The following DRD2 variants were observed in gnomAD, a reference collection of about 807,000 sequenced individuals.
DRD2 encodes the protein D(2) dopamine receptor.
DRD2 carries 8 observed loss-of-function variants against 38.0 expected under a neutral mutation model. That is an observed-to-expected ratio of 0.21 (90% confidence interval 0.12 to 0.38). DRD2 has a LOEUF of 0.38. Ranked by LOEUF, DRD2 falls within the 10% of genes least tolerant of loss-of-function variation. The pLI, the probability that DRD2 is intolerant of heterozygous loss-of-function variation, is 1.00. For synonymous variants in DRD2, 230 were observed against 238.6 expected, an observed-to-expected ratio of 0.96 and a Z score of 0.33; for missense variants, 403 against 607.7, an observed-to-expected ratio of 0.66 and a Z score of 3.54.
At chr11:113,429,236 T>C (rs1449573834) in intron 1 of DRD2, among the ~76,000 whole-genome samples, 1 of 151,980 alleles carries the variant, frequency 6.6e-6, no homozygotes, top group Non-Finnish European at 1.5e-5. Context: ...TTTGTCTGTT[T>C]GCTTGTTTGG....
intron 1 of DRD2, among the ~76,000 whole-genome samples, chr11:113,427,455 TG>T (rs1950950548): frequency 1.3e-5 from 2 of 152,108 alleles, no homozygotes; most frequent in African/African-American, 2.4e-5. Flanking sequence ...TTTTTTTCAC[TG>T]GGGTGTAGAC....
intron 2 of DRD2, among the ~76,000 whole-genome samples, chr11:113,418,854 C>T (rs1950853884): frequency 6.6e-6 from 1 of 152,220 alleles, no homozygotes; most frequent in Non-Finnish European, 1.5e-5. Context: ...TGGGCTTTCC[C>T]TCACCCCTGA....
At chr11:113,417,240 A>G (rs1410774195) in intron 3 of DRD2, among the ~76,000 whole-genome samples, 3 of 152,182 alleles carry the variant, frequency 2.0e-5, no homozygotes, top group Non-Finnish European at 2.9e-5. Context: ...GCTCATATCT[A>G]TTATTCTAAC....
intron 1 of DRD2, among the ~76,000 whole-genome samples, chr11:113,455,728 A>G (rs1951262964): frequency 6.6e-6 from 1 of 152,212 alleles, no homozygotes; most frequent in Non-Finnish European, 1.5e-5. Context: ...AAATAAAACC[A>G]CAATGAGATG....
At chr11:113,460,638 T>G (rs948272116) in intron 1 of DRD2, among the ~76,000 whole-genome samples, 1 of 152,222 alleles carries the variant, frequency 6.6e-6, no homozygotes, top group African/African-American at 2.4e-5. Context: ...CAGAGGCACA[T>G]GGACACTGCT....
Position 113,412,736 on chromosome 11 carries a change from C to T in DRD2, c.958G>A (p.Asp320Asn), listed in dbSNP as rs780400959. ...PSHHGLHSTP[D>N]SPAKPEKNGH... ...TTCTTCTCTGGTTTGGCGGGGCTGT[C>T]GGGAGTGCTGTGGAGACCATGGTGG... The change falls in exon 7 of 8, where the codon GAC becomes AAC. Residue 320 changes from aspartate to asparagine, a missense_variant. Around this residue, in one of 4 missense-constraint regions of DRD2, gnomAD observed 166 missense variants for 178.6 expected, o/e 0.93. Transcript: ENST00000362072. 34 of 1,613,776 alleles carry T rather than the reference C, an allele frequency of 2.1e-5. No homozygotes were observed. The highest frequency in any genetic ancestry group is 4.4e-5 in the South Asian group (4 of 91,058).
rs117861690 is a variant in DRD2, at chr11:113,427,664, C to T, written c.-31-2982G>A. On this transcript the variant is annotated intron_variant, in intron 1 of 7. Coordinates refer to ENST00000362072, the MANE Select transcript of DRD2 (RefSeq NM_000795.4). ...AAAACCCCTTCCCACTTGAAAGGCA[C>T]CTGCTAACATAGGCTACCAGATTAA... Among the ~76,000 whole-genome samples the T allele has an allele frequency of 3.5e-3, 526 of 152,272 alleles. 3 individuals are homozygous for T. The highest frequency in any genetic ancestry group is 5.7e-3 in the Non-Finnish European group (388 of 68,018).
At chr11:113,462,271 G>T (rs1951328792) in intron 1 of DRD2, among the ~76,000 whole-genome samples, 1 of 152,184 alleles carries the variant, frequency 6.6e-6, no homozygotes, top group South Asian at 2.1e-4. Flanking sequence ...GGAGTAAAGA[G>T]TGTTCCCCTC....
chr11:113,414,316 C>G, intron 6 of DRD2, 59 bp downstream of exon 6: 2 of 1,520,390 alleles, frequency 1.3e-6, no homozygotes, highest in Non-Finnish European at 1.8e-6. Flanking sequence ...GAACCATGGC[C>G]AGTGGGCTTC....
chr11:113,415,603 C>T lies in DRD2; in HGVS notation c.541G>A (p.Glu181Lys), dbSNP rs1950817904. The change falls in exon 5 of 8, where the codon GAG (glutamate) becomes AAG (lysine). Residue 181 changes from glutamate to lysine, a missense_variant. This residue lies in a region of DRD2 where 162 missense variants were observed against 254.5 expected (regional missense o/e 0.64). Coordinates refer to ENST00000362072, the MANE Select transcript of DRD2 (RefSeq NM_000795.4). ...AAGGCCGGGTTGGCAATGATGCACT[C>T]GTTCTGGTCTGGGGGAGGGAGAGCC... ...LFGLNNADQN[E>K]CIIANPAFVV... 2.5e-6 allele frequency: 4 copies of T among 1,612,754 alleles called. No homozygotes were observed. Among genetic ancestry groups the T allele is most frequent in the South Asian group, 2.2e-5 (2 of 90,908 alleles).
Position 113,418,080 on chromosome 11 carries a change from G to A in DRD2, c.342C>T (p.Asp114=), listed in dbSNP as rs200402411. The A allele has an allele frequency of 8.1e-6, 13 of 1,614,056 alleles. No individual in the cohort carries two copies. Among genetic ancestry groups the A allele is most frequent in the South Asian group, 3.3e-5 (3 of 91,080 alleles). Residue 114 remains aspartate, a synonymous_variant, in exon 3 of 8, where the codon GAC becomes GAT. Transcript: ENST00000362072. ...RIHCDIFVTL[D]VMMCTASILN... ...GGATGCTCGCCGTGCACATCATGAC[G>A]TCCAGAGTGACGAAGATGTCACAGT... is the stretch of plus-strand genomic sequence containing the variant.
rs541904055 is a variant in DRD2 at position 113,426,617 on chromosome 11, G to A, written c.-31-1935C>T. On this transcript the variant is annotated intron_variant, in intron 1 of 7. Coordinates refer to ENST00000362072, the MANE Select transcript of DRD2 (RefSeq NM_000795.4). ...CAGAGAGGATGGTGGAAGAGGGTCT[G>A]CCCAATCTCCACACTCTCATCCCTG... Among the ~76,000 whole-genome samples the A allele has an allele frequency of 2.6e-5, 4 of 152,146 alleles. No individual in the cohort carries two copies. The South Asian group carries it at 6.2e-4, about 24-fold the overall frequency.
At position 113,410,413 on chromosome 11, in the gene DRD2, T is replaced by A; in HGVS notation, c.*314A>T. 2.0e-6 allele frequency: 1 copy of A among 497,912 alleles called. No homozygotes were observed. Among genetic ancestry groups the A allele is most frequent in the South Asian group, 2.2e-5 (1 of 46,446 alleles). The allele number at this position is 497,912 out of a possible 1,614,324, so 30.8% of individuals were successfully genotyped here. A position where few individuals can be genotyped will look rare whatever the true frequency, so the allele number is the denominator to read the frequency against. On this transcript the variant is annotated 3_prime_UTR_variant, in exon 8 of 8. Coordinates refer to ENST00000362072, the MANE Select transcript of DRD2 (RefSeq NM_000795.4). The stretch of plus-strand genomic sequence containing the variant: ...GCAACCCTAGAGCCCCAGAGGAAGG[T>A]CAAGGAAGGCGGCTGCATCTTTGGT...
intron 1 of DRD2, among the ~76,000 whole-genome samples, chr11:113,466,384 G>A (rs914192022): frequency 3.3e-5 from 5 of 152,152 alleles, no homozygotes; most frequent in Admixed American, 2.6e-4. Context: ...AGGTCCCCAG[G>A]CTGACCTGAA....
chr11:113,417,894 A>C (rs1950841916), intron 3 of DRD2, 133 bp downstream of exon 3: 2 of 745,624 alleles, frequency 2.7e-6, no homozygotes, highest in Non-Finnish European at 4.7e-6. Context: ...ATACACACAA[A>C]CACATGGACC....
rs1169874186 is a variant in DRD2, at chr11:113,437,052, G to A, written c.-31-12370C>T. 1.1e-4 allele frequency among the ~76,000 whole-genome samples: 17 copies of A among 152,184 alleles called. 1 individual carries two copies. Among genetic ancestry groups the A allele is most frequent in the Non-Finnish European group, 2.5e-4 (17 of 68,040 alleles). ...AGTCATGTCCTCTCTTTCACAGCAGGTGGCGGCTCAGCTGGTAGGGATGGA... is the reference window on the plus strand; with the variant it reads ...AGTCATGTCCTCTCTTTCACAGCAGATGGCGGCTCAGCTGGTAGGGATGGA... On this transcript the variant is annotated intron_variant, in intron 1 of 7. Coordinates refer to ENST00000362072, the MANE Select transcript of DRD2 (RefSeq NM_000795.4).
Position 113,410,920 on chromosome 11 carries a change from C to G in DRD2, c.1139G>C (p.Gly380Ala). 6.2e-7 allele frequency: 1 copy of G among 1,608,752 alleles called. No individual in the cohort carries two copies. Among genetic ancestry groups the G allele is most frequent in the Admixed American group, 1.7e-5 (1 of 59,934 alleles). ...GGGCAGCCAGCAGATGATGAACACG[C>G]CTGGGGGAGAGGGCATGGTCAGGCT... is the stretch of plus-strand genomic sequence containing the variant. ...KATQMLAIVL[G>A]VFIICWLPFF... is the part of the protein sequence containing the mutation. The change falls in exon 8 of 8, where the codon GGC becomes GCC. Residue 380 changes from glycine to alanine, a missense_variant and splice_region_variant. Transcript: ENST00000362072.
At chr11:113,433,681 C>T (rs1951010246) in intron 1 of DRD2, among the ~76,000 whole-genome samples, 1 of 152,176 alleles carries the variant, frequency 6.6e-6, no homozygotes, top group Non-Finnish European at 1.5e-5. Context: ...CGTGGAACAG[C>T]CTGGATGAAT....
chr11:113,460,151 C>T (rs564476446), intron 1 of DRD2, among the ~76,000 whole-genome samples: 1 of 152,374 alleles, frequency 6.6e-6, no homozygotes, highest in Admixed American at 6.5e-5. Context: ...TGACTGTCTT[C>T]AGACAAGCTG....
Sources: gnomAD v4.1 joint callset for allele counts (sites outside exome capture counted in the v4.1 genomes callset) on GRCh38, gnomAD v4.1.1 for gene constraint, gnomAD v4.1.1 regional missense constraint, MANE v1.5 for transcripts, NCBI Gene and HGNC (gene_info 2026-07-23, HGNC 2026-07-21) for gene names.